The following CSF2RB variants were observed in gnomAD, a reference collection of about 807,000 sequenced individuals.
CSF2RB encodes cytokine receptor common subunit beta.
Under a neutral mutation model 67.2 loss-of-function variants are expected in CSF2RB, and 22 were observed. That is an observed-to-expected ratio of 0.33 (90% CI 0.23 to 0.47). The LOEUF is 0.47. Among genes scored for constraint, CSF2RB ranks in the 20% least tolerant of loss-of-function variants. The pLI is 1.00. For missense variants in CSF2RB, 1,113 were observed against 1,174.5 expected (o/e 0.95, Z 0.76); for synonymous variants, 507 against 482.9 (o/e 1.05, Z -0.65).
rs1045985309 is a variant in CSF2RB at position 36,929,314 on chromosome 22, C to A, written c.392-88C>A. ...TGCTGGGGGCAGGGGTGGCCTGGAA[C>A]CCCCTGTGTCCACACAAAAGGCCAT... On this transcript the variant is annotated intron_variant, in intron 4 of 13. Coordinates refer to ENST00000403662, the MANE Select transcript of CSF2RB (RefSeq NM_000395.3). 1.1e-5 allele frequency: 17 copies of A among 1,576,002 alleles called. No individual in the cohort carries two copies. The Admixed American group carries it at 2.7e-4, about 25-fold the overall frequency.
intron 1 of CSF2RB, among the ~76,000 whole-genome samples, chr22:36,920,032 G>T (rs1041954519): frequency 6.6e-6 from 1 of 152,278 alleles, no homozygotes; most frequent in Non-Finnish European, 1.5e-5. Flanking sequence ...CTTACCAACC[G>T]TGTGACTGTC....
At chr22:36,928,006 G>A (rs1027129491) in intron 4 of CSF2RB, among the ~76,000 whole-genome samples, 2 of 152,222 alleles carry the variant, frequency 1.3e-5, no homozygotes, top group Admixed American at 1.3e-4. Flanking sequence ...TGGAAACAAG[G>A]AAGGTTTCTA....
In CSF2RB at chr22:36,939,299, A is replaced by G; in HGVS notation, c.*797A>G. On this transcript the variant is annotated 3_prime_UTR_variant, in exon 14 of 14. Transcript: ENST00000403662. ...GGCAGGCTGGCGGGACCTGGGGAACATCAGGAGAGGAGTCCAGAGCCCACG... is the reference window on the plus strand; with the variant it reads ...GGCAGGCTGGCGGGACCTGGGGAACGTCAGGAGAGGAGTCCAGAGCCCACG... 2 of 701,722 alleles carry G rather than the reference A, an allele frequency of 2.9e-6. No homozygotes were observed. The highest frequency in any genetic ancestry group is 5.2e-6 in the Non-Finnish European group (2 of 384,786). 43.5% of individuals were successfully genotyped at this position (701,722 alleles called of 1,614,324 possible). A position where few individuals can be genotyped will look rare whatever the true frequency, so the allele number is the denominator to read the frequency against.
At position 36,923,263 on chromosome 22, in the gene CSF2RB, C is replaced by A; in HGVS notation, c.96C>A (p.Thr32=). The change falls in exon 3 of 14, where the codon ACC becomes ACA. Residue 32 remains threonine, a synonymous_variant. Transcript: ENST00000403662. Reference sequence around the variant, plus strand: ...TGTCAGAAACCATCCCGCTGCAGACCCTGCGCTGCTACAACGACTACACCA... The same window carrying A: ...TGTCAGAAACCATCCCGCTGCAGACACTGCGCTGCTACAACGACTACACCA... The part of the protein sequence containing the change: ...AGAEETIPLQ[T]LRCYNDYTSH... The A allele has an allele frequency of 6.2e-7, 1 of 1,614,192 alleles. No individual in the cohort carries two copies. Among genetic ancestry groups the A allele is most frequent in the Non-Finnish European group, 8.5e-7 (1 of 1,180,022 alleles).
At chr22:36,931,920 A>G (rs1941153136) in intron 8 of CSF2RB, among the ~76,000 whole-genome samples, 1 of 152,148 alleles carries the variant, frequency 6.6e-6, no homozygotes. Context: ...TCAACTCCCT[A>G]CACCTCTGAG....
At position 36,935,426 on chromosome 22, in the gene CSF2RB, G is replaced by A; in HGVS notation, c.1391G>A (p.Gly464Asp). Residue 464 changes from glycine (G) to aspartate (D), a missense_variant, in exon 11 of 14, where the codon GGC becomes GAC. Gly to Asp is a moderately conservative substitution (Grantham distance 94, BLOSUM62 -1). Around this residue, in one of 2 missense-constraint regions of CSF2RB, gnomAD observed 559 missense variants for 656.5 expected, o/e 0.85. Coordinates refer to ENST00000403662, the MANE Select transcript of CSF2RB (RefSeq NM_000395.3). ...IAVLLALRFC[G>D]IYGYRLRRKW... ...GTGCTCCTGGCCCTCCGCTTCTGTG[G>A]CATCTACGGGTACAGGTGAGGGGAC... 10 of 1,614,178 alleles carry A rather than the reference G, an allele frequency of 6.2e-6. No individual in the cohort carries two copies. The highest frequency in any genetic ancestry group is 8.5e-6 in the Non-Finnish European group (10 of 1,180,024).
intron 1 of CSF2RB, among the ~76,000 whole-genome samples, chr22:36,921,272 TTGTGTGTGTA>T (rs989703219): frequency 8.6e-6 from 1 of 116,404 alleles, no homozygotes; most frequent in African/African-American, 2.6e-5. Flanking sequence ...GTGTGCATGT[TTGTGTGTGTA>T]TATGTGTGTA....
chr22:36,928,454 G>A (rs1041204152), intron 4 of CSF2RB, among the ~76,000 whole-genome samples: 5 of 152,146 alleles, frequency 3.3e-5, no homozygotes, highest in Non-Finnish European at 5.9e-5. Context: ...CTGTGTGTCT[G>A]CCGTTCTGGG....
At position 36,937,329 on chromosome 22, in the gene CSF2RB, C is replaced by T; in HGVS notation, c.1569-48C>T. 1 of 1,605,428 alleles carries T rather than the reference C, an allele frequency of 6.2e-7. No homozygotes were observed. Among genetic ancestry groups the T allele is most frequent in the Non-Finnish European group, 8.5e-7 (1 of 1,178,198 alleles). On this transcript the variant is annotated intron_variant, in intron 13 of 13. Transcript: ENST00000403662. This position sits in a 1 kb window ranked among gnomAD's most constrained non-coding sequence, Gnocchi z 4.6. ...CAAGACCCTTGTGCCTGACCCGGAT[C>T]ATCTGCCCAGGGTGGTCCCAACTCT...
chr22:36,918,973 T>C (rs567975354), intron 1 of CSF2RB, among the ~76,000 whole-genome samples: 1 of 152,320 alleles, frequency 6.6e-6, no homozygotes, highest in African/African-American at 2.4e-5. Context: ...GGGACAAAAA[T>C]GAACCCCTCC....
Position 36,938,603 on chromosome 22 carries a change from T to A in CSF2RB, c.*101T>A. 3.1e-6 allele frequency: 4 copies of A among 1,310,850 alleles called. No homozygotes were observed. The highest frequency in any genetic ancestry group is 1.5e-5 in the South Asian group (1 of 67,784). 81.2% of individuals were successfully genotyped at this position (1,310,850 alleles called of 1,614,324 possible). ...TGCAAAGCCAAGGGGCAGCCTCCTG[T>A]CAAGGTAGCTAGAGGCCTGGGAAAG... is the stretch of plus-strand genomic sequence containing the variant. On this transcript the variant is annotated 3_prime_UTR_variant, in exon 14 of 14. Transcript: ENST00000403662.
At chr22:36,916,887 AG>A (rs1412107610) in intron 1 of CSF2RB, among the ~76,000 whole-genome samples, 2 of 152,358 alleles carry the variant, frequency 1.3e-5, no homozygotes, top group African/African-American at 4.8e-5. Flanking sequence ...CAGTTTGCCA[AG>A]CCCATTAAAT....
intron 6 of CSF2RB, 106 bp from the exon 7 acceptor site, chr22:36,930,269 G>T: frequency 6.6e-7 from 1 of 1,509,366 alleles, no homozygotes; most frequent in Non-Finnish European, 9.1e-7. Flanking sequence ...TGGTCTTTTG[G>T]CCCCAGAGCT....
intron 1 of CSF2RB, among the ~76,000 whole-genome samples, chr22:36,917,349 G>A (rs1045334278): frequency 6.6e-6 from 1 of 152,088 alleles, no homozygotes; most frequent in Non-Finnish European, 1.5e-5. Context: ...GAGTGAATTT[G>A]TATTTTGCTT....
intron 3 of CSF2RB, chr22:36,923,746 CTG>C (rs2145787055): frequency 7.7e-7 from 1 of 1,301,774 alleles, no homozygotes; most frequent in East Asian, 5.3e-5. Context: ...CACTGCCTGC[CTG>C]TCCAGAGTAG....
At position 36,937,988 on chromosome 22, in the gene CSF2RB, CT is replaced by C; in HGVS notation, c.2181del (p.Val728SerfsTer3). 1 of 1,614,172 alleles carries C rather than the reference CT, an allele frequency of 6.2e-7. No homozygotes were observed. Among genetic ancestry groups the C allele is most frequent in the South Asian group, 1.1e-5 (1 of 91,090 alleles). Reference protein sequence around the residue: ...LVFTPNSGASSVSLVPSLGLP... With the variant: ...LVFTPNSGASXVSLVPSLGLP... ...TTCACCCCAAACTCAGGGGCCTCGT[CT>C]GTCTCCCTAGTTCCCTCTCTGGGCC... On this transcript the variant is annotated frameshift_variant, in exon 14 of 14. Coordinates refer to ENST00000403662, the MANE Select transcript of CSF2RB (RefSeq NM_000395.3). LOFTEE classifies it low-confidence loss of function (END_TRUNC). This position sits in a 1 kb window ranked among gnomAD's most constrained non-coding sequence, Gnocchi z 4.6.
chr22:36,929,839 T>A, intron 6 of CSF2RB, 32 bp downstream of exon 6: 1 of 1,606,788 alleles, frequency 6.2e-7, no homozygotes, highest in Non-Finnish European at 8.5e-7. Context: ...AAATGCCCCG[T>A]GGTGGGAGGG....
Position 36,926,173 on chromosome 22 carries a change from G to C in CSF2RB, c.387G>C (p.Gln129His), listed in dbSNP as rs755285531. The change falls in exon 4 of 14, where the codon CAG becomes CAC. Residue 129 changes from glutamine (Q) to histidine (H), a missense_variant. Coordinates refer to ENST00000403662, the MANE Select transcript of CSF2RB (RefSeq NM_000395.3). ...LGTRLTVTLTQHVQPPEPRDL... is the reference protein window; with the variant it reads ...LGTRLTVTLTHHVQPPEPRDL... ...CCCGGCTCACCGTCACTCTGACCCA[G>C]CATGGTGAGGGGCTGGGGGCCCTGC... 7 of 1,613,996 alleles carry C rather than the reference G, an allele frequency of 4.3e-6. No individual in the cohort carries two copies. Among genetic ancestry groups the C allele is most frequent in the Non-Finnish European group, 5.1e-6 (6 of 1,180,034 alleles).
At chr22:36,936,700 G>A in intron 13 of CSF2RB, 48 bp downstream of exon 13, 2 of 1,506,290 alleles carry the variant, frequency 1.3e-6, no homozygotes, top group Non-Finnish European at 1.8e-6. Context: ...TCATACGGGG[G>A]GCTGACTCCA....
Sources: gnomAD v4.1 joint callset for allele counts (sites outside exome capture counted in the v4.1 genomes callset) on GRCh38, gnomAD v4.1.1 for gene constraint, gnomAD v4.1.1 regional missense constraint, Gnocchi (gnomAD v3.1) non-coding constraint, MANE v1.5 for transcripts, NCBI Gene and HGNC (gene_info 2026-07-23, HGNC 2026-07-21) for gene names.